The following KIF5C variants were observed in gnomAD, a reference collection of about 807,000 sequenced individuals.
KIF5C encodes the protein kinesin heavy chain isoform 5C.
In KIF5C, 18 loss-of-function variants were observed where a neutral mutation model predicts 125.2. The observed-to-expected ratio is 0.14, with a 90% confidence interval of 0.10 to 0.21. The LOEUF is 0.21. Ranked by LOEUF, KIF5C falls within the 10% of genes least tolerant of loss-of-function variation. The probability of loss-of-function intolerance (pLI) is 1.00; values close to 1 mark genes in which losing one functional copy is unlikely to be tolerated. For synonymous variants in KIF5C, 405 were observed against 434.0 expected (o/e 0.93, Z 0.83); for missense variants, 780 against 1,183.8 (o/e 0.66, Z 5.01).
At chr2:148,935,131 G>C in intron 3 of KIF5C, 1 of 357,036 alleles carries the variant, frequency 2.8e-6, no homozygotes, top group Middle Eastern at 3.7e-4. Context: ...ATTGATTTTA[G>C]GGTGAGGACT....
chr2:148,998,463 C>T lies in KIF5C; in HGVS notation c.2164C>T (p.Arg722Ter). ...TCACCAGAAGCAGCTGTCCAGACTC[C>T]GAGACGAAATTGAGGAGAAGCAGAA... ...EAHQKQLSRL[R>*]DEIEEKQKII... The change falls in exon 19 of 26, where the codon CGA (arginine) becomes TGA (stop). Residue 722 changes from arginine (R) to a stop codon, truncating the protein, a stop_gained. Coordinates refer to ENST00000435030, the MANE Select transcript of KIF5C (RefSeq NM_004522.3). LOFTEE classifies it high-confidence loss of function. 3 of 1,564,976 alleles carry T rather than the reference C, an allele frequency of 1.9e-6. No individual in the cohort carries two copies. The highest frequency in any genetic ancestry group is 2.4e-5 in the East Asian group (1 of 42,208).
At chr2:148,925,394 A>C (rs1681950149) in intron 2 of KIF5C, among the ~76,000 whole-genome samples, 1 of 152,202 alleles carries the variant, frequency 6.6e-6, no homozygotes, top group South Asian at 2.1e-4. Context: ...ATTATCTTAT[A>C]TATGACTCTG....
chr2:148,996,472 G>A (rs148163298), intron 17 of KIF5C, among the ~76,000 whole-genome samples: 143 of 152,286 alleles, frequency 9.4e-4, no homozygotes, highest in Non-Finnish European at 1.7e-3. Flanking sequence ...CCTGCAGTGG[G>A]GCCACTGAGT....
At chr2:149,016,414 G>A (rs774875152) in intron 25 of KIF5C, among the ~76,000 whole-genome samples, 2 of 152,172 alleles carry the variant, frequency 1.3e-5, no homozygotes, top group Non-Finnish European at 2.9e-5. Flanking sequence ...ACCAGACCCA[G>A]GTGGTGGCAG....
At chr2:148,978,386 A>G (rs942768483) in intron 12 of KIF5C, among the ~76,000 whole-genome samples, 5 of 131,554 alleles carry the variant, frequency 3.8e-5, no homozygotes. Flanking sequence ...ATTAACTTCC[A>G]ATCGAGAGGG....
chr2:148,882,185 A>G (rs1681384012), intron 1 of KIF5C, among the ~76,000 whole-genome samples: 2 of 152,226 alleles, frequency 1.3e-5, no homozygotes, highest in Admixed American at 1.3e-4. Context: ...TCAGATAGCC[A>G]GGATGAACTC....
chr2:148,904,444 A>G (rs1383519129), intron 1 of KIF5C, among the ~76,000 whole-genome samples: 2 of 152,216 alleles, frequency 1.3e-5, no homozygotes, highest in Non-Finnish European at 2.9e-5. Context: ...CAGCACATAT[A>G]TGAGGAGTGT....
intron 1 of KIF5C, among the ~76,000 whole-genome samples, chr2:148,910,595 C>G (rs538163537): frequency 1.3e-5 from 2 of 152,272 alleles, no homozygotes; most frequent in East Asian, 3.9e-4. Context: ...ATTGAGATGG[C>G]ATTCTAGTTA....
chr2:148,972,327 G>A (rs1680940296), intron 11 of KIF5C, among the ~76,000 whole-genome samples: 1 of 152,098 alleles, frequency 6.6e-6, no homozygotes, highest in Admixed American at 6.5e-5. Flanking sequence ...GGTGAGGCTT[G>A]GAATACTGCA....
At chr2:148,916,722 A>C (rs1382955543) in intron 1 of KIF5C, among the ~76,000 whole-genome samples, 1 of 152,158 alleles carries the variant, frequency 6.6e-6, no homozygotes, top group Non-Finnish European at 1.5e-5. Context: ...TTTGTATTTG[A>C]AAATAATTTG....
chr2:148,981,607 TC>T (rs1681238426), intron 14 of KIF5C, 46 bp downstream of exon 14: 1 of 1,527,194 alleles, frequency 6.5e-7, no homozygotes, highest in Non-Finnish European at 8.8e-7. Flanking sequence ...TGGCTGCCGT[TC>T]CTGTACTCAT....
At chr2:148,936,608 C>T (rs1682297899) in intron 3 of KIF5C, among the ~76,000 whole-genome samples, 1 of 152,158 alleles carries the variant, frequency 6.6e-6, no homozygotes. Flanking sequence ...ATCCCTATCC[C>T]CACCCACTTA....
At chr2:148,984,565 A>G (rs1162233845) in intron 15 of KIF5C, among the ~76,000 whole-genome samples, 1 of 152,090 alleles carries the variant, frequency 6.6e-6, no homozygotes, top group Non-Finnish European at 1.5e-5. Context: ...ACCACATCCA[A>G]GGCAGGATGG....
intron 25 of KIF5C, among the ~76,000 whole-genome samples, chr2:149,021,771 T>C (rs1432078440): frequency 6.6e-6 from 1 of 151,858 alleles, no homozygotes; most frequent in East Asian, 1.9e-4. Context: ...TTAGTGGCTG[T>C]TGTATTTCCA....
At chr2:148,973,538 C>T (rs756270179) in intron 12 of KIF5C, 27 bp downstream of exon 12, 36 of 1,577,544 alleles carry the variant, frequency 2.3e-5, no homozygotes, top group Non-Finnish European at 2.9e-5. Flanking sequence ...TCATAGTTCT[C>T]ATTCTGCTAC....
intron 1 of KIF5C, among the ~76,000 whole-genome samples, chr2:148,886,963 A>G (rs1479170524): frequency 6.6e-6 from 1 of 152,202 alleles, no homozygotes; most frequent in Non-Finnish European, 1.5e-5. Context: ...TATCCAAAAG[A>G]GTTTGAAAGG....
chr2:148,938,930 A>G (rs1682347280), intron 4 of KIF5C, among the ~76,000 whole-genome samples: 1 of 151,818 alleles, frequency 6.6e-6, no homozygotes, highest in South Asian at 2.1e-4. Context: ...AACTAAAAAA[A>G]AAAAATACAA....
chr2:148,930,092 C>T (rs1266298086), intron 3 of KIF5C, among the ~76,000 whole-genome samples: 1 of 152,180 alleles, frequency 6.6e-6, no homozygotes, highest in African/African-American at 2.4e-5. Flanking sequence ...GGCCACCCCA[C>T]GTACATGGGG....
intron 12 of KIF5C, among the ~76,000 whole-genome samples, chr2:148,974,705 T>A (rs1681015209): frequency 6.6e-6 from 1 of 152,234 alleles, no homozygotes; most frequent in Non-Finnish European, 1.5e-5. Flanking sequence ...TTTCTTGATT[T>A]CTCCAAGGAA....
Sources: gnomAD v4.1 joint callset for allele counts (sites outside exome capture counted in the v4.1 genomes callset) on GRCh38, gnomAD v4.1.1 for gene constraint, MANE v1.5 for transcripts, NCBI Gene and HGNC (gene_info 2026-07-23, HGNC 2026-07-21) for gene names.